TENM4: variants seen among roughly 807,000 people sequenced by gnomAD.
TENM4 encodes the protein teneurin-4.
TENM4 carries 82 observed loss-of-function variants against 243.3 expected under a neutral mutation model. The observed-to-expected ratio is 0.34, with a 90% CI of 0.28 to 0.40. TENM4 has a LOEUF of 0.40. Among genes scored for constraint, TENM4 ranks in the 10% least tolerant of loss-of-function variants. The pLI is 1.00. For missense variants in TENM4, 3,138 were observed against 3,673.3 expected, an observed-to-expected ratio of 0.85 and a Z score of 3.77; for synonymous variants, 1,412 against 1,456.3, an observed-to-expected ratio of 0.97 and a Z score of 0.69.
At chr11:78,886,860 G>A (rs1855558584) in intron 9 of TENM4, among the ~76,000 whole-genome samples, 1 of 152,188 alleles carries the variant, frequency 6.6e-6, no homozygotes, top group Non-Finnish European at 1.5e-5. Flanking sequence ...TCAGTGAACT[G>A]ACCATTCCTG....
At chr11:79,176,231 A>G (rs1199141941) in intron 3 of TENM4, among the ~76,000 whole-genome samples, 3 of 152,168 alleles carry the variant, frequency 2.0e-5, no homozygotes, top group African/African-American at 7.2e-5. Context: ...TCAACTGATG[A>G]CTTCTGGTCT....
intron 3 of TENM4, among the ~76,000 whole-genome samples, chr11:79,193,777 A>G (rs953420334): frequency 6.6e-6 from 1 of 152,220 alleles, no homozygotes; most frequent in African/African-American, 2.4e-5. Flanking sequence ...GAAAGCTCAC[A>G]GAGGTCAGGT....
At chr11:79,339,944 C>T (rs1857214758) in intron 1 of TENM4, among the ~76,000 whole-genome samples, 1 of 152,096 alleles carries the variant, frequency 6.6e-6, no homozygotes, top group African/African-American at 2.4e-5. Flanking sequence ...GGGCCACAGG[C>T]AGCCACGTGA....
chr11:78,867,604 T>C (rs1859015408), intron 9 of TENM4, among the ~76,000 whole-genome samples: 1 of 152,192 alleles, frequency 6.6e-6, no homozygotes, highest in African/African-American at 2.4e-5. Context: ...TCGAGTGGCC[T>C]CTCTTCTTTA....
chr11:79,373,435 T>G (rs1857828659), intron 1 of TENM4, among the ~76,000 whole-genome samples: 1 of 151,878 alleles, frequency 6.6e-6, no homozygotes, highest in African/African-American at 2.4e-5. Flanking sequence ...GCTGGCTGGA[T>G]GAATGGATGG....
rs572344667 is a variant in TENM4 at position 78,965,114 on chromosome 11, C to T, written c.494-61591G>A. 7.9e-5 allele frequency among the ~76,000 whole-genome samples: 12 copies of T among 152,136 alleles called. No homozygotes were observed. In the South Asian group the frequency reaches 2.1e-3, roughly 26 times the overall value. ...AACTCCTGACCTCAAAAGATCTGCTCGCTTAGGCCTCCCAAAGTGCAGGGA... is the reference window on the plus strand; with the variant it reads ...AACTCCTGACCTCAAAAGATCTGCTTGCTTAGGCCTCCCAAAGTGCAGGGA... On this transcript the variant is annotated intron_variant, in intron 6 of 33. Coordinates refer to ENST00000278550, the MANE Select transcript of TENM4 (RefSeq NM_001098816.3).
chr11:78,903,566 T>A (rs1468485198), intron 6 of TENM4, 43 bp from the exon 7 acceptor site: 1 of 1,539,936 alleles, frequency 6.5e-7, no homozygotes. Flanking sequence ...AGCTTGGTGC[T>A]GCCCCTCGGC....
intron 1 of TENM4, among the ~76,000 whole-genome samples, chr11:79,437,554 G>C (rs547024548): frequency 1.9e-3 from 290 of 152,312 alleles, no homozygotes; most frequent in African/African-American, 6.8e-3. Context: ...CCGCTGCTCC[G>C]GCCACCGAGG....
intron 1 of TENM4, among the ~76,000 whole-genome samples, chr11:79,359,735 T>C (rs1036726310): frequency 2.6e-5 from 4 of 152,018 alleles, no homozygotes; most frequent in Admixed American, 6.6e-5. Context: ...GATCAGACTT[T>C]TAAAAAACTT....
chr11:78,784,388 G>T (rs758847167), intron 16 of TENM4, among the ~76,000 whole-genome samples: 4 of 152,066 alleles, frequency 2.6e-5, no homozygotes, highest in Non-Finnish European at 5.9e-5. Flanking sequence ...TATCCTACAG[G>T]GTTATTGAAG....
intron 9 of TENM4, among the ~76,000 whole-genome samples, chr11:78,878,475 C>T (rs1442594325): frequency 6.6e-6 from 1 of 152,174 alleles, no homozygotes; most frequent in African/African-American, 2.4e-5. Flanking sequence ...AGATGCTTCC[C>T]TGAAGTAGCG....
At chr11:79,247,846 C>A (rs1266494769) in intron 2 of TENM4, among the ~76,000 whole-genome samples, 1 of 152,230 alleles carries the variant, frequency 6.6e-6, no homozygotes, top group Non-Finnish European at 1.5e-5. Flanking sequence ...AGCATTTGAG[C>A]ACTGCCTTAG....
chr11:79,042,739 T>C (rs911145473), intron 6 of TENM4, among the ~76,000 whole-genome samples: 3 of 152,208 alleles, frequency 2.0e-5, no homozygotes, highest in East Asian at 1.9e-4. Flanking sequence ...CCCACATCTA[T>C]TTAGTTACCA....
At chr11:79,381,008 C>T (rs566257122) in intron 1 of TENM4, among the ~76,000 whole-genome samples, 36 of 152,284 alleles carry the variant, frequency 2.4e-4, no homozygotes, top group Admixed American at 5.9e-4. Flanking sequence ...ATAACTCACA[C>T]TAAGGCCCCA....
intron 1 of TENM4, among the ~76,000 whole-genome samples, chr11:79,375,121 T>G (rs535855497): frequency 6.6e-6 from 1 of 152,340 alleles, no homozygotes; most frequent in African/African-American, 2.4e-5. Context: ...TCATGACAGT[T>G]AATGAACAAG....
chr11:79,137,493 C>CAA (rs200949384), intron 4 of TENM4, among the ~76,000 whole-genome samples: 1 of 151,862 alleles, frequency 6.6e-6, no homozygotes, highest in African/African-American at 2.4e-5. Flanking sequence ...TGCCACCAGG[C>CAA]AAAAAAACCC....
chr11:79,266,654 T>A (rs949805630), intron 2 of TENM4, among the ~76,000 whole-genome samples: 1 of 152,182 alleles, frequency 6.6e-6, no homozygotes, highest in Non-Finnish European at 1.5e-5. Context: ...AGAGGTGCAA[T>A]AACATTGCAG....
intron 2 of TENM4, among the ~76,000 whole-genome samples, chr11:79,246,848 C>T (rs564317765): frequency 6.9e-6 from 1 of 145,876 alleles, no homozygotes; most frequent in South Asian, 2.3e-4. Flanking sequence ...TTGGGAGGAG[C>T]CCAAGAAAGC....
intron 6 of TENM4, among the ~76,000 whole-genome samples, chr11:79,045,165 ATTGCG>A (rs1859627316): frequency 6.6e-6 from 1 of 152,086 alleles, no homozygotes; most frequent in South Asian, 2.1e-4. Flanking sequence ...GCTGGAGGAT[ATTGCG>A]TTGGTGAGAA....
Sources: gnomAD v4.1 joint callset for allele counts (sites outside exome capture counted in the v4.1 genomes callset) on GRCh38, gnomAD v4.1.1 for gene constraint, MANE v1.5 for transcripts, NCBI Gene and HGNC (gene_info 2026-07-23, HGNC 2026-07-21) for gene names.